The following SPDL1 variants were observed in gnomAD, a reference collection of about 807,000 sequenced individuals.
The protein encoded by SPDL1 is protein Spindly.
Under a neutral mutation model 79.5 loss-of-function variants are expected in SPDL1, and 85 were observed. The ratio of observed to expected loss-of-function variants is 1.07; its 90% CI spans 0.90 to 1.28. The LOEUF (loss-of-function observed/expected upper bound fraction) is 1.28. Among genes scored for constraint, SPDL1 ranks in the 50% most tolerant of loss-of-function variants. The pLI, the probability that SPDL1 is intolerant of heterozygous loss-of-function variation, is 0.00. For synonymous variants in SPDL1, 269 were observed against 240.3 expected (o/e 1.12, Z -1.10); for missense variants, 703 against 697.8 (o/e 1.01, Z -0.08).
Position 169,594,327 on chromosome 5 carries a change from A to G in SPDL1, c.681+33A>G, listed in dbSNP as rs746306658. ...GATTACAGTAACATCATGTTTTCCA[A>G]TTTATCATAACTTATTTTCTTGCTA... On this transcript the variant is annotated intron_variant, in intron 5 of 11. Coordinates refer to ENST00000265295, the MANE Select transcript of SPDL1 (RefSeq NM_017785.5). 7.4e-6 allele frequency: 12 copies of G among 1,612,482 alleles called. No individual in the cohort carries two copies. The South Asian group carries it at 1.3e-4, about 18-fold the overall frequency.
At chr5:169,591,412 A>G (rs1755280096) in intron 3 of SPDL1, among the ~76,000 whole-genome samples, 188 bp downstream of exon 3, 1 of 152,222 alleles carries the variant, frequency 6.6e-6, no homozygotes, top group South Asian at 2.1e-4. Context: ...TGTATAAATT[A>G]TATCCTATTA....
At position 169,601,279 on chromosome 5, in the gene SPDL1, G is replaced by A; in HGVS notation, c.1325-1G>A. The A allele has an allele frequency of 1.3e-6, 2 of 1,592,256 alleles. No individual in the cohort carries two copies. The highest frequency in any genetic ancestry group is 1.7e-6 in the Non-Finnish European group (2 of 1,171,090). On this transcript the variant is annotated splice_acceptor_variant, in intron 10 of 11. Transcript: ENST00000265295. LOFTEE classifies it high-confidence loss of function. ...TTTTCCCCACTCGTTTTTATTCTCA[G>A]AGACAGTTGAAGTGCCTGTACTGAA...
At chr5:169,598,944 C>T (rs781688363) in intron 9 of SPDL1, 28 bp from the exon 10 acceptor site, 13 of 1,508,550 alleles carry the variant, frequency 8.6e-6, no homozygotes, top group East Asian at 4.6e-5. Flanking sequence ...TCTTAATACT[C>T]GTTGGTTCTC....
At chr5:169,586,031 A>G (rs1419610935) in intron 1 of SPDL1, 2 of 152,224 alleles carry the variant, frequency 1.3e-5, no homozygotes, top group Non-Finnish European at 2.9e-5. Flanking sequence ...ACCTACAAAC[A>G]CTGTTATTTT....
chr5:169,600,221 A>G (rs756722063), intron 10 of SPDL1, among the ~76,000 whole-genome samples: 6 of 152,194 alleles, frequency 3.9e-5, no homozygotes, highest in African/African-American at 9.6e-5. Context: ...GTGAACTGCT[A>G]TGATTCTCAA....
rs1347447423 is a variant in SPDL1, at chr5:169,599,078, A to G, written c.1243A>G (p.Arg415Gly). ...DIERKLFANERCLQLSESENM... is the reference protein window; with the variant it reads ...DIERKLFANEGCLQLSESENM... ...TGAGCGAAAACTTTTTGCAAATGAA[A>G]GATGCCTCCAGCTTTCAGAAAGTGA... The change falls in exon 10 of 12, where the codon AGA (arginine) becomes GGA (glycine). Residue 415 changes from arginine (R) to glycine (G), a missense_variant. Physicochemically the swap from Arg to Gly is moderately radical, Grantham distance 125. Coordinates refer to ENST00000265295, the MANE Select transcript of SPDL1 (RefSeq NM_017785.5). 6.2e-7 allele frequency: 1 copy of G among 1,600,704 alleles called. No individual in the cohort carries two copies. Among genetic ancestry groups the G allele is most frequent in the Non-Finnish European group, 8.5e-7 (1 of 1,170,830 alleles).
At position 169,591,168 on chromosome 5, in the gene SPDL1, T is replaced by C. The variant is rs533035176; in HGVS notation, c.280T>C (p.Leu94=). The change falls in exon 3 of 12, where the codon TTG becomes CTG. Residue 94 remains leucine, a synonymous_variant. Coordinates refer to ENST00000265295, the MANE Select transcript of SPDL1 (RefSeq NM_017785.5). ...ACAACAAAAAATGCACCTGGAGAAA[T>C]TGGAAGAACAACTAAGCAGAAGCCA... The part of the protein sequence containing the change: ...KQQQKMHLEK[L]EEQLSRSHGQ... The C allele has an allele frequency of 1.9e-6, 3 of 1,613,880 alleles. No homozygotes were observed. The highest frequency in any genetic ancestry group is 1.3e-5 in the African/African-American group (1 of 74,994).
intron 4 of SPDL1, 87 bp downstream of exon 4, chr5:169,593,635 T>C: frequency 1.5e-6 from 2 of 1,335,520 alleles, no homozygotes; most frequent in South Asian, 1.6e-5. Flanking sequence ...TCTTAAGAGC[T>C]AGTTTGAAGG....
At chr5:169,602,339 A>G (rs1174440103) in intron 11 of SPDL1, among the ~76,000 whole-genome samples, 3 of 152,252 alleles carry the variant, frequency 2.0e-5, no homozygotes, top group East Asian at 3.8e-4. Flanking sequence ...TGTGCGCAGC[A>G]GGAGAAGTGA....
Position 169,604,195 on chromosome 5 carries a change from C to G in SPDL1, c.1806C>G (p.Cys602Trp), listed in dbSNP as rs765228322. The G allele has an allele frequency of 1.9e-6, 3 of 1,588,626 alleles. No individual in the cohort carries two copies. In the African/African-American group the frequency reaches 4.1e-5, roughly 22 times the overall value. Reference sequence around the variant, plus strand: ...CTAAATCTACTCCAGAGACCCAGTGCCCTCAACAGTAAAGACTTGTCTTTA... The same window carrying G: ...CTAAATCTACTCCAGAGACCCAGTGGCCTCAACAGTAAAGACTTGTCTTTA... ...VSSKSTPETQ[C>W]PQQ Residue 602 changes from cysteine to tryptophan, a missense_variant, in exon 12 of 12, where the codon TGC becomes TGG. Cys to Trp is a radical substitution (Grantham distance 215). Coordinates refer to ENST00000265295, the MANE Select transcript of SPDL1 (RefSeq NM_017785.5).
At chr5:169,600,564 A>G (rs775291810) in intron 10 of SPDL1, among the ~76,000 whole-genome samples, 10 of 152,204 alleles carry the variant, frequency 6.6e-5, no homozygotes, top group Non-Finnish European at 8.8e-5. Flanking sequence ...AATGAAACAC[A>G]TCGATAATGG....
At chr5:169,588,783 G>A (rs1374609601) in intron 2 of SPDL1, 2 of 382,254 alleles carry the variant, frequency 5.2e-6, no homozygotes, top group Non-Finnish European at 9.3e-6. Flanking sequence ...GAAAGATCAA[G>A]TTATCATTAC....
At position 169,593,565 on chromosome 5, in the gene SPDL1, G is replaced by A. The variant is rs1395625949; in HGVS notation, c.531+17G>A. 6.5e-7 allele frequency: 1 copy of A among 1,540,356 alleles called. No homozygotes were observed. Among genetic ancestry groups the A allele is most frequent in the African/African-American group, 1.4e-5 (1 of 71,390 alleles). On this transcript the variant is annotated intron_variant, in intron 4 of 11. Coordinates refer to ENST00000265295, the MANE Select transcript of SPDL1 (RefSeq NM_017785.5). ...AGTATGAAGGTAATTTTTATGGCAT[G>A]TGTTTCTCAGGGTTTTCTCTTTTTT...
Position 169,594,723 on chromosome 5 carries a change from G to T in SPDL1, c.891+42G>T, listed in dbSNP as rs538741349. ...ATCAAAGGTTTATTAAACAAATTTT[G>T]TGTCAGCATTACATGTATGAATACA... On this transcript the variant is annotated intron_variant, in intron 7 of 11. Coordinates refer to ENST00000265295, the MANE Select transcript of SPDL1 (RefSeq NM_017785.5). The T allele has an allele frequency of 1.1e-5, 15 of 1,378,100 alleles. 1 individual carries two copies. The South Asian group carries it at 1.7e-4, about 15-fold the overall frequency. The allele number at this position is 1,378,100 out of a possible 1,614,324, so 85.4% of individuals were successfully genotyped here.
In SPDL1 at chr5:169,601,612, C is replaced by A; in HGVS notation, c.1657C>A (p.Pro553Thr). 1 of 1,614,022 alleles carries A rather than the reference C, an allele frequency of 6.2e-7. No individual in the cohort carries two copies. Among genetic ancestry groups the A allele is most frequent in the Non-Finnish European group, 8.5e-7 (1 of 1,179,956 alleles). The change falls in exon 11 of 12, where the codon CCT (proline) becomes ACT (threonine). Residue 553 changes from proline (P) to threonine (T), a missense_variant. By Grantham distance (38) the Pro-to-Thr change is conservative. Coordinates refer to ENST00000265295, the MANE Select transcript of SPDL1 (RefSeq NM_017785.5). ...EALSERSGNT[P>T]NSPRLAAESK... ...CTTAAGTGAAAGAAGTGGAAACACCCCTAACTCTCCCAGGTCAGTGTCCTC... is the reference window on the plus strand; with the variant it reads ...CTTAAGTGAAAGAAGTGGAAACACCACTAACTCTCCCAGGTCAGTGTCCTC...
At position 169,604,331 on chromosome 5, in the gene SPDL1, T is replaced by G; in HGVS notation, c.*124T>G. The G allele has an allele frequency of 1.0e-6, 1 of 970,348 alleles. No individual in the cohort carries two copies. 60.1% of individuals were successfully genotyped at this position (970,348 alleles called of 1,614,324 possible). A position where few individuals can be genotyped will look rare whatever the true frequency, so the allele number is the denominator to read the frequency against. ...TACTCATTGTGCCAGGACCTGGCATTTTCATGTGCCTTTGACCAAGTGTTC... is the reference window on the plus strand; with the variant it reads ...TACTCATTGTGCCAGGACCTGGCATGTTCATGTGCCTTTGACCAAGTGTTC... On this transcript the variant is annotated 3_prime_UTR_variant, in exon 12 of 12. Coordinates refer to ENST00000265295, the MANE Select transcript of SPDL1 (RefSeq NM_017785.5).
intron 11 of SPDL1, among the ~76,000 whole-genome samples, chr5:169,603,760 A>G (rs1443509038): frequency 6.6e-6 from 1 of 152,182 alleles, no homozygotes; most frequent in Non-Finnish European, 1.5e-5. Flanking sequence ...TGGCTGAGGC[A>G]GGAGAATCGC....
In SPDL1 at chr5:169,599,269, G is replaced by A. The variant is rs574902424; in HGVS notation, c.1324+110G>A. ...CAACTCTATTACAAACTCATTTGTA[G>A]TTATATACCTATAGTTAATAAAGCA... On this transcript the variant is annotated intron_variant, in intron 10 of 11. Transcript: ENST00000265295. The A allele has an allele frequency of 3.2e-4, 294 of 927,250 alleles. 7 individuals are homozygous for A. In the South Asian group the frequency reaches 7.7e-3, roughly 24 times the overall value. 57.4% of individuals were successfully genotyped at this position (927,250 alleles called of 1,614,324 possible). A position where few individuals can be genotyped will look rare whatever the true frequency, so the allele number is the denominator to read the frequency against.
chr5:169,590,844 G>C (rs900407531), intron 2 of SPDL1: 49 of 615,154 alleles, frequency 8.0e-5, no homozygotes, highest in Non-Finnish European at 1.3e-4. Context: ...CCCTTGCATG[G>C]GTTTAACATA....
Sources: gnomAD v4.1 joint callset for allele counts (sites outside exome capture counted in the v4.1 genomes callset) on GRCh38, gnomAD v4.1.1 for gene constraint, MANE v1.5 for transcripts, NCBI Gene and HGNC (gene_info 2026-07-23, HGNC 2026-07-21) for gene names.